The following HIVEP3 variants were observed in gnomAD, a reference collection of about 807,000 sequenced individuals.
HIVEP3 encodes the protein HIVEP zinc finger 3, also known as transcription factor HIVEP3.
A neutral mutation model predicts 152.8 loss-of-function variants in HIVEP3; 49 were observed. That is an observed-to-expected ratio of 0.32 (90% CI 0.26 to 0.41). HIVEP3 has a LOEUF of 0.41. Ranked by LOEUF, HIVEP3 falls within the 10% of genes least tolerant of loss-of-function variation. The pLI is 1.00. For synonymous variants in HIVEP3, 1,269 were observed against 1,289.0 expected (o/e 0.98, Z 0.33); for missense variants, 2,790 against 3,103.3 (o/e 0.90, Z 2.40).
chr1:41,865,968 G>C (rs1201739647), intron 1 of HIVEP3, among the ~76,000 whole-genome samples: 1 of 152,188 alleles, frequency 6.6e-6, no homozygotes, highest in African/African-American at 2.4e-5. Flanking sequence ...ATGGTAGAAG[G>C]GAGCATCGAA....
intron 1 of HIVEP3, chr1:41,848,725 G>A (rs929897520): frequency 6.6e-6 from 1 of 152,416 alleles, no homozygotes; most frequent in Non-Finnish European, 1.5e-5. Flanking sequence ...GGAGCAGTCA[G>A]ATTCCTCACC....
rs758224141 is a variant in HIVEP3 at position 41,513,054 on chromosome 1, T to C, written c.6167A>G (p.Glu2056Gly). The change falls in exon 8 of 9, where the codon GAG (glutamate) becomes GGG (glycine). Residue 2056 changes from glutamate (E) to glycine (G), a missense_variant. Transcript: ENST00000372583. ...GGGGAGGCCTGGGTCGGTGGTACCC[T>C]CGAGTTTGGAGAGCACATGTGCTCG... ...APRAHVLSKL[E>G]GTTDPGLPRY... is the part of the protein sequence containing the mutation. 2 of 1,613,658 alleles carry C rather than the reference T, an allele frequency of 1.2e-6. No individual in the cohort carries two copies. Among genetic ancestry groups the C allele is most frequent in the Middle Eastern group, 1.7e-4 (1 of 6,056 alleles).
chr1:41,849,361 C>T (rs943971444), intron 1 of HIVEP3, among the ~76,000 whole-genome samples: 12 of 152,196 alleles, frequency 7.9e-5, no homozygotes, highest in Non-Finnish European at 1.3e-4. Flanking sequence ...TGTGTGGAAA[C>T]TAACCATGCA....
At chr1:41,933,325 T>C (rs1645004357) in intron 1 of HIVEP3, among the ~76,000 whole-genome samples, 1 of 152,116 alleles carries the variant, frequency 6.6e-6, no homozygotes, top group Admixed American at 6.6e-5. Flanking sequence ...AGCTTTTGCA[T>C]CATGTATTTT....
intron 3 of HIVEP3, among the ~76,000 whole-genome samples, chr1:41,596,990 T>A (rs1558101994): frequency 6.6e-6 from 1 of 152,176 alleles, no homozygotes; most frequent in Non-Finnish European, 1.5e-5. Flanking sequence ...TTTCCCTCAA[T>A]AATGAATGGT....
At chr1:41,926,946 A>G (rs1331661512) in intron 1 of HIVEP3, among the ~76,000 whole-genome samples, 1 of 152,130 alleles carries the variant, frequency 6.6e-6, no homozygotes, top group African/African-American at 2.4e-5. Context: ...TGTGAGTTTC[A>G]GCTTTCTAGC....
intron 1 of HIVEP3, among the ~76,000 whole-genome samples, chr1:41,886,760 G>T (rs372660787): frequency 6.8e-5 from 8 of 117,730 alleles, no homozygotes; most frequent in Non-Finnish European, 1.3e-4. Context: ...AAAGAAAAAA[G>T]AACTATACAG....
chr1:41,968,864 T>C (rs987149334), intron 1 of HIVEP3, among the ~76,000 whole-genome samples: 5 of 152,082 alleles, frequency 3.3e-5, no homozygotes, highest in Non-Finnish European at 7.4e-5. Flanking sequence ...AGCAAAGTCT[T>C]AGGATACAAA....
rs572833301 is a variant in HIVEP3 at position 41,906,436 on chromosome 1, C to A, written c.-801+11977G>T. Among the ~76,000 whole-genome samples the A allele has an allele frequency of 2.0e-5, 3 of 151,972 alleles. No homozygotes were observed. The East Asian group carries it at 5.8e-4, about 29-fold the overall frequency. Reference sequence around the variant, plus strand: ...CATGCTAAGAGAAAGAAGCCAGAAGCAAAAAGGGTGCATATTTTATGATTT... The same window carrying A: ...CATGCTAAGAGAAAGAAGCCAGAAGAAAAAAGGGTGCATATTTTATGATTT... On this transcript the variant is annotated intron_variant, in intron 1 of 8. Transcript: ENST00000372583.
At chr1:41,705,393 C>G (rs1223353594) in intron 1 of HIVEP3, among the ~76,000 whole-genome samples, 3 of 152,246 alleles carry the variant, frequency 2.0e-5, no homozygotes, top group African/African-American at 7.2e-5. Context: ...GCCATCCACA[C>G]TGGATCTTCA....
chr1:41,573,535 G>A (rs1644282104), intron 5 of HIVEP3, among the ~76,000 whole-genome samples: 1 of 152,192 alleles, frequency 6.6e-6, no homozygotes, highest in Non-Finnish European at 1.5e-5. Flanking sequence ...AGTTGAAAGG[G>A]AGAGGATACC....
At chr1:42,012,093 T>C (rs1264691743) in intron 1 of HIVEP3, among the ~76,000 whole-genome samples, 1 of 152,206 alleles carries the variant, frequency 6.6e-6, no homozygotes, top group Non-Finnish European at 1.5e-5. Context: ...ATATAAACCC[T>C]GGAACATTTC....
In HIVEP3 at chr1:41,743,253, G is replaced by C. The variant is rs188606494; in HGVS notation, c.-800-42258C>G. Among the ~76,000 whole-genome samples, 5 of 152,272 alleles carry C rather than the reference G, an allele frequency of 3.3e-5. No homozygotes were observed. The East Asian group carries it at 9.6e-4, about 29-fold the overall frequency. The stretch of plus-strand genomic sequence containing the variant: ...CCTCAAAATACTAACTGCACCCCTA[G>C]TGAGAACTCCTGTGAAAAGGGCCTC... On this transcript the variant is annotated intron_variant, in intron 1 of 8. Coordinates refer to ENST00000372583, the MANE Select transcript of HIVEP3 (RefSeq NM_024503.5).
At chr1:41,528,910 C>CA (rs1176313071) in intron 5 of HIVEP3, among the ~76,000 whole-genome samples, 2 of 142,964 alleles carry the variant, frequency 1.4e-5, no homozygotes, top group African/African-American at 5.2e-5. Context: ...ACCCCGCCCT[C>CA]ACACCTTCGC....
intron 1 of HIVEP3, among the ~76,000 whole-genome samples, chr1:41,771,021 G>A (rs1648320547): frequency 6.6e-6 from 1 of 152,016 alleles, no homozygotes. Context: ...AATGGTTTGT[G>A]GCCCTCTAAA....
intron 1 of HIVEP3, among the ~76,000 whole-genome samples, chr1:41,816,196 A>G (rs542915388): frequency 2.6e-5 from 4 of 152,336 alleles, no homozygotes; most frequent in African/African-American, 7.2e-5. Flanking sequence ...ACACATAAAG[A>G]TAACATGGAG....
At position 42,004,818 on chromosome 1, in the gene HIVEP3, G is replaced by C. The variant is rs538204789; in HGVS notation, n.119+30989C>G. 2.6e-5 allele frequency among the ~76,000 whole-genome samples: 4 copies of C among 152,260 alleles called. No individual in the cohort carries two copies. The East Asian group carries it at 7.7e-4, about 29-fold the overall frequency. ...GACCTACTGACTTAGAAACTCTGGGGGTGAAGCCTGGCAGTCTGTGTTTCA... is the reference window on the plus strand; with the variant it reads ...GACCTACTGACTTAGAAACTCTGGGCGTGAAGCCTGGCAGTCTGTGTTTCA... On this transcript the variant is annotated intron_variant and non_coding_transcript_variant, in intron 1 of 3. Transcript: ENST00000489103.
rs1359660636 is a variant in HIVEP3, at chr1:41,587,756, A to C, written c.-521-2438T>G. On this transcript the variant is annotated intron_variant, in intron 3 of 8. Transcript: ENST00000372583. ...TGATTTTCCCTGAAAATCACACGGG[A>C]ATGGTGGCAGGACTGGACCATCCTG... Among the ~76,000 whole-genome samples, 6 of 152,160 alleles carry C rather than the reference A, an allele frequency of 3.9e-5. No individual in the cohort carries two copies. The East Asian group carries it at 1.2e-3, about 29-fold the overall frequency.
chr1:41,988,548 A>C (rs1459401907), intron 1 of HIVEP3, among the ~76,000 whole-genome samples: 3 of 152,238 alleles, frequency 2.0e-5, no homozygotes, highest in African/African-American at 7.2e-5. Flanking sequence ...AGCTGTTATC[A>C]AAAAGATGAG....
Sources: gnomAD v4.1 joint callset for allele counts (sites outside exome capture counted in the v4.1 genomes callset) on GRCh38, gnomAD v4.1.1 for gene constraint, MANE v1.5 for transcripts, NCBI Gene and HGNC (gene_info 2026-07-23, HGNC 2026-07-21) for gene names.